Variants in ZNF385D observed in about 807,000 individuals in gnomAD.
The protein encoded by ZNF385D is zinc finger protein 659.
Under a neutral mutation model 35.8 loss-of-function variants are expected in ZNF385D, and 15 were observed. That is an observed-to-expected ratio of 0.42 (90% CI 0.28 to 0.64). ZNF385D has a LOEUF of 0.64. Ranked by LOEUF, ZNF385D falls within the 30% of genes least tolerant of loss-of-function variation. The probability of loss-of-function intolerance (pLI) is 0.23; values close to 1 mark genes in which losing one functional copy is unlikely to be tolerated. For synonymous variants in ZNF385D, 212 were observed against 186.8 expected, an observed-to-expected ratio of 1.13 and a Z score of -1.10; for missense variants, 474 against 494.6, an observed-to-expected ratio of 0.96 and a Z score of 0.39.
At chr3:22,168,947 G>A (rs924143816) in exon 3 of ZNF385D, 11 of 985,638 alleles carry the variant, frequency 1.1e-5, no homozygotes, top group Non-Finnish European at 1.1e-5. Flanking sequence ...AAGTAAAGTT[G>A]GTATGTTTCT....
At chr3:21,830,500 T>G (rs1179014506) in intron 3 of ZNF385D, among the ~76,000 whole-genome samples, 1 of 152,214 alleles carries the variant, frequency 6.6e-6, no homozygotes, top group African/African-American at 2.4e-5. Context: ...CTCTACGTAT[T>G]GTTTGTACTG....
At chr3:22,064,928 G>A (rs1699856666) in intron 3 of ZNF385D, among the ~76,000 whole-genome samples, 1 of 152,192 alleles carries the variant, frequency 6.6e-6, no homozygotes, top group Non-Finnish European at 1.5e-5. Context: ...TTTTCTTAAA[G>A]CTAATGTATC....
chr3:22,333,159 G>A (rs140372860), intron 2 of ZNF385D, among the ~76,000 whole-genome samples: 125 of 152,154 alleles, frequency 8.2e-4, no homozygotes, highest in African/African-American at 2.9e-3. Context: ...CTTGATTTCT[G>A]ATCAGACATC....
At chr3:21,946,685 AG>A (rs1229395840) in intron 3 of ZNF385D, among the ~76,000 whole-genome samples, 1 of 152,068 alleles carries the variant, frequency 6.6e-6, no homozygotes, top group Non-Finnish European at 1.5e-5. Flanking sequence ...TACAAATATT[AG>A]CCAGGTGTGG....
chr3:22,120,461 T>C (rs1449691099), intron 3 of ZNF385D, among the ~76,000 whole-genome samples: 1 of 152,064 alleles, frequency 6.6e-6, no homozygotes, highest in Non-Finnish European at 1.5e-5. Flanking sequence ...TTTTTAAGAG[T>C]TCTATCCTCA....
intron 2 of ZNF385D, among the ~76,000 whole-genome samples, chr3:22,271,900 C>T (rs1457775694): frequency 1.3e-5 from 2 of 151,992 alleles, no homozygotes; most frequent in Non-Finnish European, 2.9e-5. Context: ...AAAAACAATA[C>T]GCATTCAGTA....
chr3:21,640,570 C>T lies in ZNF385D; in HGVS notation c.165+24316G>A, dbSNP rs116426587. On this transcript the variant is annotated intron_variant, in intron 2 of 7. Coordinates refer to ENST00000281523, the MANE Select transcript of ZNF385D (RefSeq NM_024697.3). The stretch of plus-strand genomic sequence containing the variant: ...TAGTGCCCTTATAAGGACAAAGATA[C>T]TAGAGAATCCTCTCTCCTGTGAGAA... Among the ~76,000 whole-genome samples the T allele has an allele frequency of 8.9e-3, 1,350 of 152,112 alleles. 26 individuals carry two copies. Among genetic ancestry groups the T allele is most frequent in the African/African-American group, 0.032 (1,314 of 41,532 alleles).
intron 3 of ZNF385D, among the ~76,000 whole-genome samples, chr3:21,973,371 TTCA>T (rs1192575394): frequency 2.0e-5 from 3 of 151,974 alleles, no homozygotes. Context: ...TTAACATTCC[TTCA>T]TAATAAAAAA....
chr3:22,083,814 G>A (rs1039668916), intron 3 of ZNF385D, among the ~76,000 whole-genome samples: 3 of 152,174 alleles, frequency 2.0e-5, no homozygotes, highest in African/African-American at 4.8e-5. Context: ...AGGAAAAAAT[G>A]TTAAGGGCAG....
At chr3:22,290,329 G>C (rs1359115500) in intron 2 of ZNF385D, among the ~76,000 whole-genome samples, 1 of 152,104 alleles carries the variant, frequency 6.6e-6, no homozygotes, top group Admixed American at 6.6e-5. Context: ...AAAGACAAAA[G>C]CCTCCCAAGG....
intron 3 of ZNF385D, among the ~76,000 whole-genome samples, chr3:22,014,684 T>G (rs1696776366): frequency 6.6e-6 from 1 of 150,942 alleles, no homozygotes; most frequent in African/African-American, 2.4e-5. Context: ...AATAATGAAT[T>G]GAAAGAAAAA....
chr3:21,926,988 G>A (rs1700761040), intron 3 of ZNF385D, among the ~76,000 whole-genome samples: 1 of 152,042 alleles, frequency 6.6e-6, no homozygotes, highest in Admixed American at 6.6e-5. Context: ...TTGAAGGTAG[G>A]GTCTAGTGGG....
chr3:22,095,045 C>G (rs563150350), intron 3 of ZNF385D, among the ~76,000 whole-genome samples: 21 of 151,200 alleles, frequency 1.4e-4, no homozygotes, highest in African/African-American at 5.1e-4. Context: ...ACAGTTAGGA[C>G]TACAGACATG....
At chr3:21,894,450 TTC>T (rs1310680088) in intron 3 of ZNF385D, among the ~76,000 whole-genome samples, 2 of 152,202 alleles carry the variant, frequency 1.3e-5, no homozygotes, top group Non-Finnish European at 2.9e-5. Flanking sequence ...TTCTAATTCT[TTC>T]TGATTTGCTC....
chr3:21,429,163 A>G (rs1370426369), intron 5 of ZNF385D, among the ~76,000 whole-genome samples: 1 of 151,962 alleles, frequency 6.6e-6, no homozygotes, highest in African/African-American at 2.4e-5. Flanking sequence ...AATAAATCAT[A>G]CATTAGAAAT....
At chr3:22,045,984 A>T (rs1449242594) in intron 3 of ZNF385D, among the ~76,000 whole-genome samples, 1 of 152,084 alleles carries the variant, frequency 6.6e-6, no homozygotes, top group East Asian at 1.9e-4. Context: ...AAGAAAAATA[A>T]TGAGGGAGGG....
intron 3 of ZNF385D, among the ~76,000 whole-genome samples, chr3:22,001,471 C>T (rs1036881086): frequency 6.6e-6 from 1 of 152,020 alleles, no homozygotes; most frequent in Non-Finnish European, 1.5e-5. Flanking sequence ...AATACCAAAG[C>T]AGCCAGATAT....
rs912110850 is a variant in ZNF385D at position 22,138,808 on chromosome 3, T to C, written c.325+30009A>G. 5.7e-3 allele frequency among the ~76,000 whole-genome samples: 872 copies of C among 152,028 alleles called. 7 individuals carry two copies. Among genetic ancestry groups the C allele is most frequent in the African/African-American group, 0.019 (779 of 41,482 alleles). The stretch of plus-strand genomic sequence containing the variant: ...AAAGCAATGGCAACAAAAGCCAAAA[T>C]TGACAAATGGGATCTAATTAAACTA... On this transcript the variant is annotated intron_variant, in intron 3 of 5. Coordinates refer to the ZNF385D transcript ENST00000494108.
At chr3:21,608,023 G>GTTTTTTTTTGGTATTTTT (rs1553622610) in intron 2 of ZNF385D, among the ~76,000 whole-genome samples, 1 of 120,220 alleles carries the variant, frequency 8.3e-6, no homozygotes, top group Non-Finnish European at 1.7e-5. Flanking sequence ...TTTTTTTTTT[G>GTTTTTTTTTGGTATTTTT]TTTTTTTTTT....
Sources: gnomAD v4.1 joint callset for allele counts (sites outside exome capture counted in the v4.1 genomes callset) on GRCh38, gnomAD v4.1.1 for gene constraint, MANE v1.5 for transcripts, NCBI Gene and HGNC (gene_info 2026-07-23, HGNC 2026-07-21) for gene names.